CAP2: variants seen among roughly 807,000 people sequenced by gnomAD.
The protein encoded by CAP2 is adenylyl cyclase-associated protein 2.
A neutral mutation model predicts 57.7 loss-of-function variants in CAP2; 24 were observed. The ratio of observed to expected loss-of-function variants is 0.42; its 90% CI spans 0.30 to 0.58. The LOEUF is 0.58. CAP2 is among the 20% of genes least tolerant of loss of function. CAP2 has a pLI of 0.22. For synonymous variants in CAP2, 194 were observed against 207.2 expected, an observed-to-expected ratio of 0.94 and a Z score of 0.55; for missense variants, 501 against 590.3, an observed-to-expected ratio of 0.85 and a Z score of 1.57.
intron 4 of CAP2, chr6:17,493,304 G>A: frequency 4.0e-6 from 1 of 249,760 alleles, no homozygotes; most frequent in South Asian, 4.4e-5. Flanking sequence ...CTTAAATAGT[G>A]CACCTCTCTC....
chr6:17,545,236 C>T (rs1251181936), intron 11 of CAP2, among the ~76,000 whole-genome samples: 1 of 152,156 alleles, frequency 6.6e-6, no homozygotes, highest in Non-Finnish European at 1.5e-5. Flanking sequence ...ACCACAAACA[C>T]ACCTTAATTT....
intron 4 of CAP2, among the ~76,000 whole-genome samples, chr6:17,482,779 C>T (rs943365514): frequency 4.6e-5 from 7 of 152,184 alleles, no homozygotes; most frequent in Non-Finnish European, 8.8e-5. Context: ...TACTGCAGTA[C>T]GACCTCATCT....
At chr6:17,408,276 G>A (rs541739215) in intron 1 of CAP2, among the ~76,000 whole-genome samples, 3 of 152,256 alleles carry the variant, frequency 2.0e-5, no homozygotes, top group African/African-American at 7.2e-5. Flanking sequence ...ATTACACGGC[G>A]AGAGAAGAAG....
At position 17,487,538 on chromosome 6, in the gene CAP2, T is replaced by C. The variant is rs146910025; in HGVS notation, c.301-19631T>C. On this transcript the variant is annotated intron_variant, in intron 4 of 12. Transcript: ENST00000229922. ...AAGCTGGAGTGCAGAGGCACCATCT[T>C]GGCTCACTGCAACCTCCGCCTCCCG... 7.0e-4 allele frequency among the ~76,000 whole-genome samples: 107 copies of C among 152,302 alleles called. 5 individuals are homozygous for C. In the East Asian group the frequency reaches 0.018, roughly 26 times the overall value.
rs1209470148 is a variant in CAP2, at chr6:17,480,773, G to GGT, written c.300+17700_300+17701insGT. On this transcript the variant is annotated intron_variant, in intron 4 of 12. Coordinates refer to ENST00000229922, the MANE Select transcript of CAP2 (RefSeq NM_006366.3). ...CTTGGTGCTAAATGTGGTTTTTTTG[G>GGT]TTTTTTTTTTTTTTTTTTTGAGACA... Among the ~76,000 whole-genome samples the GGT allele has an allele frequency of 1.1e-3, 146 of 136,182 alleles. 2 individuals are homozygous for GGT. Among genetic ancestry groups the GGT allele is most frequent in the Non-Finnish European group, 1.3e-3 (84 of 62,888 alleles). 89.3% of individuals were successfully genotyped at this position (136,182 alleles called of 152,430 possible). A position where few individuals can be genotyped will look rare whatever the true frequency, so the allele number is the denominator to read the frequency against.
chr6:17,514,172 G>A (rs1762219164), intron 7 of CAP2, among the ~76,000 whole-genome samples: 2 of 151,852 alleles, frequency 1.3e-5, no homozygotes, highest in African/African-American at 4.8e-5. Flanking sequence ...AGACCAGCCT[G>A]GCAAACATGA....
At position 17,527,367 on chromosome 6, in the gene CAP2, G is replaced by T. The variant is rs1422399315; in HGVS notation, c.637-11902G>T. 3.9e-5 allele frequency among the ~76,000 whole-genome samples: 6 copies of T among 152,224 alleles called. No homozygotes were observed. The East Asian group carries it at 9.7e-4, about 25-fold the overall frequency. On this transcript the variant is annotated intron_variant, in intron 7 of 12. Coordinates refer to ENST00000229922, the MANE Select transcript of CAP2 (RefSeq NM_006366.3). ...ACTCTGCTATCTTTAACCCTGGAAA[G>T]TTTTCCCATGGAAAATTTAATTTTA...
At chr6:17,398,944 C>A (rs1758739597) in intron 1 of CAP2, among the ~76,000 whole-genome samples, 1 of 152,158 alleles carries the variant, frequency 6.6e-6, no homozygotes, top group Non-Finnish European at 1.5e-5. Flanking sequence ...AACTTTGTAC[C>A]CACTAAATAT....
rs116644954 is a variant in CAP2, at chr6:17,441,991, C to T, written c.222+15301C>T. On this transcript the variant is annotated intron_variant, in intron 3 of 12. Coordinates refer to ENST00000229922, the MANE Select transcript of CAP2 (RefSeq NM_006366.3). ...AATTGTAATGAACTCTTGTTGCGTT[C>T]ACTTCTTTGCATAACTCGTTATTGC... 9.3e-3 allele frequency among the ~76,000 whole-genome samples: 1,414 copies of T among 152,120 alleles called. 15 individuals carry two copies. Among genetic ancestry groups the T allele is most frequent in the Non-Finnish European group, 0.011 (722 of 68,020 alleles).
At chr6:17,509,933 A>G (rs1022567559) in intron 6 of CAP2, among the ~76,000 whole-genome samples, 1 of 152,176 alleles carries the variant, frequency 6.6e-6, no homozygotes, top group African/African-American at 2.4e-5. Context: ...TTCGGGCAGC[A>G]GCATGGATGA....
chr6:17,503,508 G>A (rs886648510), intron 4 of CAP2, among the ~76,000 whole-genome samples: 7 of 151,484 alleles, frequency 4.6e-5, no homozygotes, highest in African/African-American at 1.2e-4. Context: ...GGAGGCTGAG[G>A]CAGGAGAATT....
intron 4 of CAP2, among the ~76,000 whole-genome samples, chr6:17,484,398 G>T (rs1477037629): frequency 2.0e-5 from 3 of 152,304 alleles, no homozygotes; most frequent in South Asian, 2.1e-4. Context: ...GACCACAGGG[G>T]TGCCTCTTTG....
intron 3 of CAP2, among the ~76,000 whole-genome samples, chr6:17,439,047 G>T (rs1759991255): frequency 1.3e-5 from 2 of 150,892 alleles, no homozygotes; most frequent in Middle Eastern, 6.8e-3. Flanking sequence ...GGAGCCGGAG[G>T]TTGCAATGAA....
Position 17,403,903 on chromosome 6 carries a change from C to A in CAP2, c.-2+10157C>A, listed in dbSNP as rs371546487. 4.6e-4 allele frequency among the ~76,000 whole-genome samples: 70 copies of A among 152,236 alleles called. 3 individuals are homozygous for A. The East Asian group carries it at 0.011, about 23-fold the overall frequency. On this transcript the variant is annotated intron_variant, in intron 1 of 12. Transcript: ENST00000229922. ...TTTACACAGTGTTGGAAGTTACATT[C>A]TTTGCAACTATTCACATTTTGGTGA...
chr6:17,532,959 GGAGGCT>G lies in CAP2; in HGVS notation c.637-6304_637-6299del, dbSNP rs201280872. ...GCACTCCTGTAATCCCAGCTACTCG[GGAGGCT>G]GAGGCGGGAGAATCACTTGAACCCG... On this transcript the variant is annotated intron_variant, in intron 7 of 12. Coordinates refer to ENST00000229922, the MANE Select transcript of CAP2 (RefSeq NM_006366.3). 5.4e-3 allele frequency among the ~76,000 whole-genome samples: 815 copies of G among 151,010 alleles called. 6 individuals are homozygous for G. The highest frequency in any genetic ancestry group is 0.017 in the African/African-American group (692 of 41,070).
At chr6:17,475,136 A>T (rs891430277) in intron 4 of CAP2, among the ~76,000 whole-genome samples, 1 of 151,646 alleles carries the variant, frequency 6.6e-6, no homozygotes, top group Non-Finnish European at 1.5e-5. Context: ...CGGAGGTTGC[A>T]GTGAGCTGAG....
intron 1 of CAP2, among the ~76,000 whole-genome samples, chr6:17,414,187 TAA>T (rs1373969789): frequency 7.9e-5 from 12 of 152,138 alleles, no homozygotes; most frequent in African/African-American, 2.9e-4. Flanking sequence ...AGTTCACATA[TAA>T]ACCAGTTGCC....
chr6:17,472,584 A>C (rs1227572838), intron 4 of CAP2, among the ~76,000 whole-genome samples: 1 of 152,236 alleles, frequency 6.6e-6, no homozygotes, highest in Non-Finnish European at 1.5e-5. Flanking sequence ...GGCAAAAAGA[A>C]GGCTTTTTTC....
At chr6:17,542,097 C>T (rs1359832000) in intron 9 of CAP2, among the ~76,000 whole-genome samples, 1 of 152,118 alleles carries the variant, frequency 6.6e-6, no homozygotes, top group Non-Finnish European at 1.5e-5. Context: ...CTGTTTCTCC[C>T]CCTGCACCCC....
Sources: allele counts gnomAD v4.1 joint callset (sites outside exome capture counted in the v4.1 genomes callset), GRCh38; gene constraint gnomAD v4.1.1; transcripts MANE v1.5; gene names NCBI Gene and HGNC (gene_info 2026-07-23, HGNC 2026-07-21).